The following GRXCR1 variants were observed in gnomAD, a reference collection of about 807,000 sequenced individuals.
The protein encoded by GRXCR1 is glutaredoxin and cysteine rich domain containing 1.
GRXCR1 carries 27 observed loss-of-function variants against 27.3 expected under a neutral mutation model. The observed-to-expected ratio is 0.99, with a 90% CI of 0.73 to 1.37. The LOEUF is 1.37. Among genes scored for constraint, GRXCR1 ranks in the 40% most tolerant of loss-of-function variants. GRXCR1 has a pLI of 0.00. For missense variants in GRXCR1, 379 were observed against 354.4 expected (o/e 1.07, Z -0.56); for synonymous variants, 122 against 131.1 (o/e 0.93, Z 0.47).
At chr4:42,903,581 G>C (rs1380470243) in intron 1 of GRXCR1, among the ~76,000 whole-genome samples, 1 of 147,424 alleles carries the variant, frequency 6.8e-6, no homozygotes, top group Non-Finnish European at 1.5e-5. Flanking sequence ...CAGAGTGCTG[G>C]GATAGATATT....
At chr4:42,990,412 C>T (rs570069876) in intron 2 of GRXCR1, among the ~76,000 whole-genome samples, 7 of 151,246 alleles carry the variant, frequency 4.6e-5, no homozygotes, top group Admixed American at 6.6e-5. Flanking sequence ...GGGATGGTCT[C>T]GATCTCCTGA....
chr4:42,987,263 T>TTC (rs1711796619), intron 2 of GRXCR1, among the ~76,000 whole-genome samples: 3 of 76,892 alleles, frequency 3.9e-5, no homozygotes, highest in Non-Finnish European at 7.7e-5. Flanking sequence ...ATATATATAA[T>TTC]ATATATATAT....
intron 2 of GRXCR1, among the ~76,000 whole-genome samples, chr4:42,978,527 A>G (rs1225887671): frequency 6.6e-6 from 1 of 151,778 alleles, no homozygotes; most frequent in East Asian, 1.9e-4. Flanking sequence ...ACTTCAATAA[A>G]TTTATTTCCA....
At chr4:43,017,276 A>G (rs1712958946) in intron 2 of GRXCR1, among the ~76,000 whole-genome samples, 2 of 152,146 alleles carry the variant, frequency 1.3e-5, no homozygotes, top group Non-Finnish European at 2.9e-5. Context: ...ACCCCAGACT[A>G]GGAGTTCTCT....
chr4:42,923,904 G>C (rs1020252204), intron 1 of GRXCR1, among the ~76,000 whole-genome samples: 1 of 152,032 alleles, frequency 6.6e-6, no homozygotes, highest in Admixed American at 6.6e-5. Context: ...GCTGGTGAGG[G>C]AGCAAGAAGT....
intron 1 of GRXCR1, among the ~76,000 whole-genome samples, chr4:42,897,212 C>A (rs370544818): frequency 6.6e-6 from 1 of 152,076 alleles, no homozygotes; most frequent in Non-Finnish European, 1.5e-5. Context: ...CAAAATATTT[C>A]CAAATTCTCT....
At chr4:43,017,077 G>T (rs1438113494) in intron 2 of GRXCR1, among the ~76,000 whole-genome samples, 1 of 152,142 alleles carries the variant, frequency 6.6e-6, no homozygotes, top group African/African-American at 2.4e-5. Context: ...TTCTTTCCTG[G>T]CATATGCAAT....
intron 1 of GRXCR1, among the ~76,000 whole-genome samples, chr4:42,896,648 G>A (rs369659007): frequency 1.3e-5 from 2 of 152,112 alleles, no homozygotes; most frequent in Non-Finnish European, 2.9e-5. Context: ...CTGGAAATAG[G>A]CGTTTACTAG....
intron 1 of GRXCR1, among the ~76,000 whole-genome samples, chr4:42,951,567 T>G (rs1321810400): frequency 6.6e-6 from 1 of 152,220 alleles, no homozygotes; most frequent in African/African-American, 2.4e-5. Context: ...ATCGTAATGC[T>G]GCAATGAACG....
At chr4:43,008,412 A>G (rs1465154040) in intron 2 of GRXCR1, among the ~76,000 whole-genome samples, 1 of 152,238 alleles carries the variant, frequency 6.6e-6, no homozygotes, top group Non-Finnish European at 1.5e-5. Context: ...AGTTCTTTAT[A>G]GCACAAGTTT....
At chr4:42,925,842 G>C (rs1398807132) in intron 1 of GRXCR1, among the ~76,000 whole-genome samples, 1 of 151,892 alleles carries the variant, frequency 6.6e-6, no homozygotes, top group Non-Finnish European at 1.5e-5. Flanking sequence ...CATTTTACCA[G>C]CTCCATAGAT....
At chr4:43,010,347 G>A (rs899393631) in intron 2 of GRXCR1, among the ~76,000 whole-genome samples, 1 of 150,958 alleles carries the variant, frequency 6.6e-6, no homozygotes, top group Non-Finnish European at 1.5e-5. Context: ...AGGTTGCAGT[G>A]AGCCGAGATC....
intron 1 of GRXCR1, among the ~76,000 whole-genome samples, chr4:42,897,113 C>T (rs544794975): frequency 6.6e-6 from 1 of 152,240 alleles, no homozygotes; most frequent in Admixed American, 6.5e-5. Context: ...TTTCTTCATG[C>T]TAAGCAAATT....
At chr4:42,897,181 G>A (rs1302191291) in intron 1 of GRXCR1, among the ~76,000 whole-genome samples, 3 of 152,246 alleles carry the variant, frequency 2.0e-5, no homozygotes, top group Middle Eastern at 3.4e-3. Context: ...TTGGATTTGA[G>A]ATATACTTTG....
chr4:42,935,886 T>C (rs771520084), intron 1 of GRXCR1, among the ~76,000 whole-genome samples: 7 of 151,956 alleles, frequency 4.6e-5, no homozygotes, highest in African/African-American at 9.7e-5. Context: ...TAGGTTTCTT[T>C]ACTCTGGGAT....
intron 2 of GRXCR1, among the ~76,000 whole-genome samples, chr4:43,000,293 C>T (rs1414584623): frequency 2.0e-5 from 3 of 151,968 alleles, no homozygotes; most frequent in Non-Finnish European, 4.4e-5. Context: ...TCCTGGCCAA[C>T]ATGGTGAAAC....
chr4:43,000,416 C>T lies in GRXCR1; in HGVS notation c.628-19938C>T, dbSNP rs376042447. On this transcript the variant is annotated intron_variant, in intron 2 of 3. Coordinates refer to ENST00000399770, the MANE Select transcript of GRXCR1 (RefSeq NM_001080476.3). ...GCTTGAACCAGGGACTAGGAGGTTG[C>T]AGTGAGCCAAGAATGCGCCACTGCA... Among the ~76,000 whole-genome samples, 66 of 145,342 alleles carry T rather than the reference C, an allele frequency of 4.5e-4. No homozygotes were observed. The East Asian group carries it at 6.5e-3, about 14-fold the overall frequency.
At chr4:42,931,049 C>A (rs1747292673) in intron 1 of GRXCR1, among the ~76,000 whole-genome samples, 1 of 150,836 alleles carries the variant, frequency 6.6e-6, no homozygotes. Flanking sequence ...TTCCTGAGGA[C>A]AAAATAAAGC....
chr4:42,953,270 G>A, intron 1 of GRXCR1, among the ~76,000 whole-genome samples: 1 of 152,104 alleles, frequency 6.6e-6, no homozygotes, highest in East Asian at 1.9e-4. Flanking sequence ...AATCTGTGTG[G>A]GTTTTCATGA....
Sources: gnomAD v4.1 joint callset for allele counts (sites outside exome capture counted in the v4.1 genomes callset) on GRCh38, gnomAD v4.1.1 for gene constraint, MANE v1.5 for transcripts, NCBI Gene and HGNC (gene_info 2026-07-23, HGNC 2026-07-21) for gene names.